L3MBTL4: variants seen among roughly 807,000 people sequenced by gnomAD.
L3MBTL4 encodes the protein L3MBTL histone methyl-lysine binding protein 4, also known as lethal(3)malignant brain tumor-like protein 4.
In L3MBTL4, 70 loss-of-function variants were observed where a neutral mutation model predicts 84.5. The ratio of observed to expected loss-of-function variants is 0.83; its 90% CI spans 0.68 to 1.01. The LOEUF is 1.01. L3MBTL4 is among the 50% of genes least tolerant of loss of function. The pLI is 0.00. For synonymous variants in L3MBTL4, 274 were observed against 259.8 expected (o/e 1.05, Z -0.52); for missense variants, 715 against 754.8 (o/e 0.95, Z 0.62).
chr18:6,002,931 A>G (rs1031289195), intron 16 of L3MBTL4, among the ~76,000 whole-genome samples: 4 of 151,582 alleles, frequency 2.6e-5, no homozygotes, highest in Admixed American at 2.0e-4. Context: ...AGCCACTTAT[A>G]TTCTATCTAT....
chr18:6,382,477 T>G (rs1316874360), intron 1 of L3MBTL4, among the ~76,000 whole-genome samples: 1 of 152,186 alleles, frequency 6.6e-6, no homozygotes, highest in African/African-American at 2.4e-5. Context: ...TTATCTACCT[T>G]TGGTCTTTGA....
chr18:6,163,296 TGTGTGTGTGTGGGTGG>T (rs1163937953), intron 13 of L3MBTL4, among the ~76,000 whole-genome samples: 1 of 130,002 alleles, frequency 7.7e-6, no homozygotes, highest in African/African-American at 3.4e-5. Flanking sequence ...TGTGTGTGTG[TGTGTGTGTGTGGGTGG>T]GTGTGTATTT....
At chr18:6,361,738 A>G (rs545311602) in intron 1 of L3MBTL4, among the ~76,000 whole-genome samples, 1 of 152,280 alleles carries the variant, frequency 6.6e-6, no homozygotes, top group African/African-American at 2.4e-5. Flanking sequence ...GGGGTTCCAC[A>G]GATGACCTCC....
chr18:6,144,001 T>C (rs967270816), intron 13 of L3MBTL4, among the ~76,000 whole-genome samples: 2 of 151,844 alleles, frequency 1.3e-5, no homozygotes, highest in East Asian at 1.9e-4. Context: ...ATCGAGACTA[T>C]CCTGGCTAAC....
chr18:6,398,893 T>G (rs895548470), intron 1 of L3MBTL4, among the ~76,000 whole-genome samples: 3 of 152,110 alleles, frequency 2.0e-5, no homozygotes, highest in African/African-American at 7.2e-5. Flanking sequence ...TCAGGGGATC[T>G]GCCAGACCTG....
At chr18:6,105,730 G>T (rs1254145491) in intron 14 of L3MBTL4, among the ~76,000 whole-genome samples, 1 of 151,294 alleles carries the variant, frequency 6.6e-6, no homozygotes, top group Non-Finnish European at 1.5e-5. Flanking sequence ...AACCTGGGAG[G>T]TGGAAGTTGC....
At chr18:6,226,026 T>C (rs907123880) in intron 10 of L3MBTL4, among the ~76,000 whole-genome samples, 12 of 152,108 alleles carry the variant, frequency 7.9e-5, no homozygotes, top group Non-Finnish European at 1.3e-4. Flanking sequence ...AGATGGAAAT[T>C]TGGATACATA....
chr18:6,338,768 A>T (rs1415641610), intron 1 of L3MBTL4, among the ~76,000 whole-genome samples: 1 of 152,122 alleles, frequency 6.6e-6, no homozygotes, highest in Non-Finnish European at 1.5e-5. Context: ...TTAAATATAA[A>T]GACATAAAAG....
chr18:6,288,975 A>G (rs2049720718), intron 4 of L3MBTL4, among the ~76,000 whole-genome samples: 1 of 151,978 alleles, frequency 6.6e-6, no homozygotes. Flanking sequence ...CTTAAATTTT[A>G]TAAAAAGACC....
At chr18:6,299,068 C>T (rs887234695) in intron 4 of L3MBTL4, among the ~76,000 whole-genome samples, 9 of 152,116 alleles carry the variant, frequency 5.9e-5, no homozygotes, top group African/African-American at 9.7e-5. Context: ...TGGGATTACA[C>T]GGTGATTGGC....
At chr18:6,032,534 C>T (rs1261887239) in intron 16 of L3MBTL4, among the ~76,000 whole-genome samples, 1 of 151,546 alleles carries the variant, frequency 6.6e-6, no homozygotes, top group East Asian at 1.9e-4. Flanking sequence ...GTTTTTTATC[C>T]TGTTTTTTTT....
At chr18:6,056,470 A>G (rs1175172342) in intron 16 of L3MBTL4, among the ~76,000 whole-genome samples, 1 of 152,202 alleles carries the variant, frequency 6.6e-6, no homozygotes, top group African/African-American at 2.4e-5. Flanking sequence ...GCCTACTTCC[A>G]ATGAATTTAT....
chr18:6,359,597 A>T (rs1036824072), intron 1 of L3MBTL4, among the ~76,000 whole-genome samples: 1 of 152,094 alleles, frequency 6.6e-6, no homozygotes, highest in Non-Finnish European at 1.5e-5. Context: ...TAAAAAAAAA[A>T]TTCTAAAGCA....
intron 12 of L3MBTL4, among the ~76,000 whole-genome samples, chr18:6,176,536 C>T (rs1372565193): frequency 1.3e-5 from 2 of 152,068 alleles, no homozygotes; most frequent in South Asian, 2.1e-4. Flanking sequence ...TTCTACCTCA[C>T]ATCACACATA....
chr18:6,234,268 T>C (rs1386265488), intron 10 of L3MBTL4, among the ~76,000 whole-genome samples: 2 of 152,188 alleles, frequency 1.3e-5, no homozygotes, highest in Non-Finnish European at 2.9e-5. Context: ...AAGGACTTCA[T>C]GTCTAAAACA....
intron 16 of L3MBTL4, among the ~76,000 whole-genome samples, chr18:6,036,637 A>G (rs1411006809): frequency 1.3e-5 from 2 of 152,048 alleles, no homozygotes; most frequent in Non-Finnish European, 2.9e-5. Flanking sequence ...ACTTATTTTT[A>G]TTCATTTGAA....
intron 16 of L3MBTL4, among the ~76,000 whole-genome samples, chr18:6,014,115 T>G (rs1425597978): frequency 6.6e-6 from 1 of 152,196 alleles, no homozygotes; most frequent in African/African-American, 2.4e-5. Context: ...TGAAAATCAA[T>G]TCTTTCTGCT....
intron 1 of L3MBTL4, among the ~76,000 whole-genome samples, chr18:6,362,492 G>T (rs1029824801): frequency 1.3e-5 from 2 of 152,198 alleles, no homozygotes; most frequent in East Asian, 3.9e-4. Context: ...CAGCCACCTG[G>T]GTCTAGTGGA....
chr18:6,397,718 T>C (rs2055334696), intron 1 of L3MBTL4: 1 of 152,134 alleles, frequency 6.6e-6, no homozygotes, highest in Non-Finnish European at 1.5e-5. Context: ...TAGCCAGGCA[T>C]TGTGGTTTGC....
Sources: gnomAD v4.1 joint callset for allele counts (sites outside exome capture counted in the v4.1 genomes callset) on GRCh38, gnomAD v4.1.1 for gene constraint, MANE v1.5 for transcripts, NCBI Gene and HGNC (gene_info 2026-07-23, HGNC 2026-07-21) for gene names.